The following FHIT variants were observed in gnomAD, a reference collection of about 807,000 sequenced individuals.
FHIT encodes the protein bis(5'-adenosyl)-triphosphatase.
In FHIT, 19 loss-of-function variants were observed where a neutral mutation model predicts 17.9. The ratio of observed to expected loss-of-function variants is 1.06; its 90% CI spans 0.74 to 1.56. FHIT has a LOEUF of 1.56. Ranked by LOEUF, FHIT falls within the 40% of genes most tolerant of loss-of-function variation. The pLI is 0.00. For missense variants in FHIT, 248 were observed against 189.2 expected, an observed-to-expected ratio of 1.31 and a Z score of -1.82; for synonymous variants, 81 against 69.7, an observed-to-expected ratio of 1.16 and a Z score of -0.81.
At chr3:61,185,422 G>A (rs1012579957) in intron 2 of FHIT, among the ~76,000 whole-genome samples, 12 of 152,162 alleles carry the variant, frequency 7.9e-5, no homozygotes, top group African/African-American at 2.7e-4. Context: ...AGACACAAGT[G>A]ATCATCATCA....
At chr3:60,463,999 G>C (rs75480726) in intron 5 of FHIT, among the ~76,000 whole-genome samples, 2 of 152,136 alleles carry the variant, frequency 1.3e-5, no homozygotes, top group Admixed American at 6.6e-5. Context: ...TTTTGTGGAA[G>C]AACATGTAAT....
chr3:61,105,632 GA>G (rs2035968161), intron 2 of FHIT, among the ~76,000 whole-genome samples: 1 of 152,052 alleles, frequency 6.6e-6, no homozygotes, highest in Admixed American at 6.6e-5. Context: ...AACTCTCCCT[GA>G]ACCCCAGCTC....
At chr3:61,058,177 T>C (rs1253022044) in intron 2 of FHIT, among the ~76,000 whole-genome samples, 2 of 152,190 alleles carry the variant, frequency 1.3e-5, no homozygotes, top group African/African-American at 2.4e-5. Context: ...ACGTGAGCCA[T>C]GAGTTTTATG....
intron 8 of FHIT, among the ~76,000 whole-genome samples, chr3:59,915,703 G>A (rs1285135371): frequency 6.6e-6 from 1 of 152,186 alleles, no homozygotes; most frequent in East Asian, 1.9e-4. Context: ...ACTTTGGGAG[G>A]CCAAGCCAGG....
chr3:60,483,541 C>A (rs149481930), intron 5 of FHIT, among the ~76,000 whole-genome samples: 1 of 152,110 alleles, frequency 6.6e-6, no homozygotes, highest in African/African-American at 2.4e-5. Context: ...ACTCAATAAA[C>A]GTAATCTATC....
chr3:61,099,835 A>G (rs1344084810), intron 2 of FHIT, among the ~76,000 whole-genome samples: 1 of 151,874 alleles, frequency 6.6e-6, no homozygotes, highest in Non-Finnish European at 1.5e-5. Flanking sequence ...CTAGTGGTCT[A>G]TTTTATTATT....
chr3:60,946,541 A>G (rs1222513164), intron 3 of FHIT, among the ~76,000 whole-genome samples: 4 of 152,166 alleles, frequency 2.6e-5, no homozygotes, highest in Admixed American at 2.6e-4. Flanking sequence ...GGGACCTGAT[A>G]GACCAGGTAT....
rs537087045 is a variant in FHIT, at chr3:60,856,836, G to T, written c.-110-34825C>A. ...CGTGGACCCTATTGTACTCTCTCAG[G>T]CCTCAAAACCATGTAACATCCTGGA... On this transcript the variant is annotated intron_variant, in intron 3 of 9. Coordinates refer to ENST00000492590, the MANE Select transcript of FHIT (RefSeq NM_002012.4). Among the ~76,000 whole-genome samples, 14 of 151,992 alleles carry T rather than the reference G, an allele frequency of 9.2e-5. No homozygotes were observed. The East Asian group carries it at 2.3e-3, about 25-fold the overall frequency.
At chr3:60,048,271 G>C (rs1274245255) in intron 5 of FHIT, among the ~76,000 whole-genome samples, 1 of 152,120 alleles carries the variant, frequency 6.6e-6, no homozygotes, top group Non-Finnish European at 1.5e-5. Flanking sequence ...CTGCCTCCTG[G>C]GTTCAAGCTA....
chr3:60,564,673 A>C (rs1428602296), intron 4 of FHIT, among the ~76,000 whole-genome samples: 1 of 152,186 alleles, frequency 6.6e-6, no homozygotes, highest in Non-Finnish European at 1.5e-5. Context: ...AATTAGAAGT[A>C]AAGCCTGAAG....
intron 8 of FHIT, among the ~76,000 whole-genome samples, chr3:59,847,812 T>TA (rs1345799132): frequency 6.6e-6 from 1 of 152,178 alleles, no homozygotes; most frequent in Non-Finnish European, 1.5e-5. Context: ...GGTATAAACT[T>TA]AAAGTCTTTT....
intron 2 of FHIT, among the ~76,000 whole-genome samples, chr3:61,159,381 G>A (rs569695064): frequency 2.0e-5 from 3 of 152,260 alleles, no homozygotes; most frequent in South Asian, 4.1e-4. Context: ...CCACAATAGG[G>A]TGCACAAGCT....
chr3:60,577,836 A>C (rs991565822), intron 4 of FHIT, among the ~76,000 whole-genome samples: 1 of 152,168 alleles, frequency 6.6e-6, no homozygotes, highest in African/African-American at 2.4e-5. Flanking sequence ...TGTTACAAAA[A>C]CAAACTTCAA....
At chr3:61,159,706 G>A (rs1239043716) in intron 2 of FHIT, among the ~76,000 whole-genome samples, 2 of 152,250 alleles carry the variant, frequency 1.3e-5, no homozygotes, top group African/African-American at 4.8e-5. Context: ...TCTGTGATTA[G>A]AGTAATATTT....
intron 3 of FHIT, among the ~76,000 whole-genome samples, chr3:60,878,228 G>A (rs908708270): frequency 6.6e-6 from 1 of 151,966 alleles, no homozygotes; most frequent in East Asian, 1.9e-4. Context: ...ACCTATATTT[G>A]ACCCAGCTAC....
intron 5 of FHIT, among the ~76,000 whole-genome samples, chr3:60,473,576 T>C (rs2033194957): frequency 6.6e-6 from 1 of 152,142 alleles, no homozygotes; most frequent in Non-Finnish European, 1.5e-5. Flanking sequence ...GGTGCTTTGG[T>C]GGCAAAAAAT....
chr3:59,821,460 C>G (rs1700785217), intron 8 of FHIT, among the ~76,000 whole-genome samples: 1 of 152,192 alleles, frequency 6.6e-6, no homozygotes, highest in South Asian at 2.1e-4. Context: ...GCAGTTTTGC[C>G]TCTTCATGTG....
chr3:59,825,218 ATATT>A (rs1700934095), intron 8 of FHIT, among the ~76,000 whole-genome samples: 1 of 152,086 alleles, frequency 6.6e-6, no homozygotes, highest in Non-Finnish European at 1.5e-5. Context: ...GCTTTAGTTC[ATATT>A]TCTTCTCCAG....
Position 59,831,620 on chromosome 3 carries a change from T to C in FHIT, c.349-79299A>G, listed in dbSNP as rs114003859. On this transcript the variant is annotated intron_variant, in intron 8 of 9. Transcript: ENST00000492590. ...ATGCGATAAGACTGTCTGTCCCAGA[T>C]AGAGCCACAAGTTACTTAACATATC... 5.6e-3 allele frequency among the ~76,000 whole-genome samples: 850 copies of C among 152,204 alleles called. 9 individuals carry two copies. Among genetic ancestry groups the C allele is most frequent in the African/African-American group, 0.02 (828 of 41,524 alleles).
Sources: gnomAD v4.1 joint callset for allele counts (sites outside exome capture counted in the v4.1 genomes callset) on GRCh38, gnomAD v4.1.1 for gene constraint, MANE v1.5 for transcripts, NCBI Gene and HGNC (gene_info 2026-07-23, HGNC 2026-07-21) for gene names.